Variants in SPMAP2L observed in about 807,000 individuals in gnomAD.
The protein encoded by SPMAP2L is sperm microtubule associated protein 2-like.
the SPMAP2L span, chr4:56,552,761 C>T: frequency 3.3e-6 from 2 of 597,626 alleles, no homozygotes; most frequent in South Asian, 2.2e-5. Context: ...AAAGGCTAAC[C>T]CTTGGTCAGT....
At chr4:56,601,387 G>C in the SPMAP2L span, among the ~76,000 whole-genome samples, 2 of 152,228 alleles carry the variant, frequency 1.3e-5, no homozygotes, top group South Asian at 4.1e-4. Flanking sequence ...GGGAGACCAA[G>C]GTGGGAGGAT....
chr4:56,587,427 C>A, the SPMAP2L span, among the ~76,000 whole-genome samples: 1 of 152,088 alleles, frequency 6.6e-6, no homozygotes, highest in Non-Finnish European at 1.5e-5. Context: ...CCCAAGCAGT[C>A]TACACAGCAC....
At chr4:56,556,022 A>T in the SPMAP2L span, among the ~76,000 whole-genome samples, 1 of 152,192 alleles carries the variant, frequency 6.6e-6, no homozygotes, top group Non-Finnish European at 1.5e-5. Context: ...CAATAGAAAA[A>T]TTGGAGACAT....
At chr4:56,564,760 G>A in the SPMAP2L span, among the ~76,000 whole-genome samples, 37 of 152,004 alleles carry the variant, frequency 2.4e-4, no homozygotes, top group African/African-American at 7.7e-4. Context: ...AACTGAGATC[G>A]TTGACTTGAG....
the SPMAP2L span, among the ~76,000 whole-genome samples, chr4:56,558,236 G>T: frequency 6.6e-6 from 1 of 152,130 alleles, no homozygotes; most frequent in African/African-American, 2.4e-5. Context: ...CCAAACTGTT[G>T]TTGGGATTAC....
At chr4:56,608,326 T>C in the SPMAP2L span, among the ~76,000 whole-genome samples, 1 of 152,176 alleles carries the variant, frequency 6.6e-6, no homozygotes, top group Non-Finnish European at 1.5e-5. Context: ...TGTCAAGTTG[T>C]AAAGGATAAG....
the SPMAP2L span, among the ~76,000 whole-genome samples, chr4:56,557,287 G>GAAAC: frequency 6.7e-6 from 1 of 150,234 alleles, no homozygotes. Context: ...GAAAAGAAAA[G>GAAAC]AAACAAACAA....
the SPMAP2L span, chr4:56,575,386 C>A: frequency 5.2e-6 from 6 of 1,151,980 alleles, no homozygotes; most frequent in African/African-American, 6.2e-5. Context: ...GAAAATAGAT[C>A]ATCAATAATA....
the SPMAP2L span, among the ~76,000 whole-genome samples, chr4:56,576,639 G>C: frequency 6.6e-5 from 10 of 152,186 alleles, no homozygotes; most frequent in African/African-American, 2.2e-4. Flanking sequence ...TAGACAGCTT[G>C]AGTCTTTTGC....
chr4:56,584,512 C>T, the SPMAP2L span: 7 of 1,534,916 alleles, frequency 4.6e-6, no homozygotes, highest in East Asian at 1.5e-4. Context: ...TCAGTGATAA[C>T]TCAGCAAGAG....
chr4:56,536,388 T>C, the SPMAP2L span, among the ~76,000 whole-genome samples: 2 of 152,254 alleles, frequency 1.3e-5, no homozygotes, highest in African/African-American at 4.8e-5. Flanking sequence ...TTGTTTCAAA[T>C]AACTTGTCAT....
At chr4:56,610,349 G>A in the SPMAP2L span, among the ~76,000 whole-genome samples, 1 of 152,164 alleles carries the variant, frequency 6.6e-6, no homozygotes, top group Non-Finnish European at 1.5e-5. Context: ...AGTGGGGAAA[G>A]GACACCCTAT....
At chr4:56,541,338 AT>A in the SPMAP2L span, among the ~76,000 whole-genome samples, 1 of 152,200 alleles carries the variant, frequency 6.6e-6, no homozygotes, top group Non-Finnish European at 1.5e-5. Flanking sequence ...ATTAAAATAA[AT>A]GGTATAATTT....
the SPMAP2L span, among the ~76,000 whole-genome samples, chr4:56,558,183 G>C: frequency 6.6e-6 from 1 of 152,106 alleles, no homozygotes; most frequent in Non-Finnish European, 1.5e-5. Context: ...GGCCAGGCTG[G>C]TCTGGAACTC....
the SPMAP2L span, among the ~76,000 whole-genome samples, chr4:56,611,598 GAA>G: frequency 6.6e-6 from 1 of 152,016 alleles, no homozygotes; most frequent in Non-Finnish European, 1.5e-5. Context: ...TTTAAAAAAG[GAA>G]AAAGAGTCAG....
chr4:56,543,754 T>C, the SPMAP2L span, among the ~76,000 whole-genome samples: 1 of 152,154 alleles, frequency 6.6e-6, no homozygotes, highest in African/African-American at 2.4e-5. Flanking sequence ...CATTTAGGAT[T>C]ATGAGATTAT....
the SPMAP2L span, among the ~76,000 whole-genome samples, chr4:56,625,546 T>A: frequency 6.6e-6 from 1 of 152,092 alleles, no homozygotes; most frequent in East Asian, 1.9e-4. Context: ...GGGAGGTAAT[T>A]GAATCATGGG....
At chr4:56,565,941 G>A in the SPMAP2L span, among the ~76,000 whole-genome samples, 1 of 151,858 alleles carries the variant, frequency 6.6e-6, no homozygotes, top group Admixed American at 6.6e-5. Flanking sequence ...ATTATTGTTA[G>A]CATGACATAT....
chr4:56,616,268 G>A, the SPMAP2L span, among the ~76,000 whole-genome samples: 162 of 152,240 alleles, frequency 1.1e-3, no homozygotes, highest in African/African-American at 3.7e-3. Flanking sequence ...GTGCATCTGT[G>A]TCTAAATTTC....
Sources: gnomAD v4.1 joint callset for allele counts (sites outside exome capture counted in the v4.1 genomes callset) on GRCh38, gnomAD v4.1.1 for gene constraint, MANE v1.5 for transcripts, NCBI Gene and HGNC (gene_info 2026-07-23, HGNC 2026-07-21) for gene names.